Variants in NBAS observed in about 807,000 individuals in gnomAD.
NBAS encodes the protein NBAS subunit of NRZ tethering complex, also known as NAG/BC035112 fusion.
In NBAS, 219 loss-of-function variants were observed where a neutral mutation model predicts 302.5. The observed-to-expected ratio is 0.72, with a 90% CI of 0.65 to 0.81. NBAS has a LOEUF of 0.81. NBAS is among the 30% of genes least tolerant of loss of function. NBAS has a pLI of 0.00. For missense variants in NBAS, 2,932 were observed against 2,841.6 expected (o/e 1.03, Z -0.72); for synonymous variants, 1,118 against 1,021.6 (o/e 1.09, Z -1.80).
chr2:15,309,910 G>A (rs1436562032), intron 38 of NBAS, among the ~76,000 whole-genome samples: 1 of 152,110 alleles, frequency 6.6e-6, no homozygotes, highest in Non-Finnish European at 1.5e-5. Context: ...TACACAGCTT[G>A]TTTCAATAAG....
chr2:15,421,981 A>G lies in NBAS; in HGVS notation c.2577+2334T>C, dbSNP rs182788618. Among the ~76,000 whole-genome samples, 429 of 152,288 alleles carry G rather than the reference A, an allele frequency of 2.8e-3. 1 individual carries two copies. Among genetic ancestry groups the G allele is most frequent in the Middle Eastern group, 0.02 (6 of 294 alleles). On this transcript the variant is annotated intron_variant, in intron 23 of 51. Coordinates refer to ENST00000281513, the MANE Select transcript of NBAS (RefSeq NM_015909.4). ...GTGCACTGACACATCATCATCCCCC[A>G]AAGTCCACGGTTTACATTCAGATTC...
intron 26 of NBAS, 133 bp downstream of exon 26, chr2:15,402,035 A>T (rs6733647): frequency 3.2e-6 from 3 of 932,992 alleles, no homozygotes; most frequent in Non-Finnish European, 3.4e-6. Context: ...GATTGCAGAT[A>T]ATTTTATTTT....
downstream of NBAS, among the ~76,000 whole-genome samples, chr2:15,163,989 G>T (rs6732910): frequency 0.048 from 7,248 of 152,120 alleles, 481 homozygotes; most frequent in East Asian, 0.24. Flanking sequence ...GAGAGATGGG[G>T]TTTCGCCATG....
the NBAS span, among the ~76,000 whole-genome samples, chr2:14,921,147 A>G: frequency 1.3e-5 from 2 of 152,108 alleles, no homozygotes; most frequent in Non-Finnish European, 2.9e-5. Context: ...GCCTAATTTC[A>G]GTATTGCTGT....
intron 6 of NBAS, among the ~76,000 whole-genome samples, chr2:15,545,475 AG>A: frequency 6.6e-6 from 1 of 152,222 alleles, no homozygotes; most frequent in Admixed American, 6.5e-5. Context: ...AAACCGATAC[AG>A]GGGACGTCAG....
Position 15,179,096 on chromosome 2 carries a change from C to A in NBAS, c.6732G>T (p.Leu2244=). 2 of 1,614,174 alleles carry A rather than the reference C, an allele frequency of 1.2e-6. No individual in the cohort carries two copies. Among genetic ancestry groups the A allele is most frequent in the Middle Eastern group, 3.3e-4 (2 of 6,058 alleles). ...GCAGGAGGGACTGGTTAAGCAGCAG[C>A]AGACACAGCTCCTTCACACCCTGAA... The part of the protein sequence containing the change: ...LPAEGVKELC[L]LLLNQSLLLP... The change falls in exon 51 of 52, where the codon CTG becomes CTT. Residue 2244 remains leucine (L), a synonymous_variant. Coordinates refer to ENST00000281513, the MANE Select transcript of NBAS (RefSeq NM_015909.4).
At chr2:15,316,844 C>T (rs1671537518) in intron 38 of NBAS, among the ~76,000 whole-genome samples, 1 of 152,214 alleles carries the variant, frequency 6.6e-6, no homozygotes. Flanking sequence ...ACTTCAACAT[C>T]CCTGTCTGAC....
chr2:14,990,716 C>T, the NBAS span, among the ~76,000 whole-genome samples: 1 of 152,160 alleles, frequency 6.6e-6, no homozygotes, highest in African/African-American at 2.4e-5. Flanking sequence ...CTTCCTGCCT[C>T]AGCCTCCAGA....
At position 15,489,028 on chromosome 2, in the gene NBAS, T is replaced by C; in HGVS notation, c.955-6A>G. 3.7e-6 allele frequency: 6 copies of C among 1,612,976 alleles called. No individual in the cohort carries two copies. Among genetic ancestry groups the C allele is most frequent in the Non-Finnish European group, 5.1e-6 (6 of 1,179,284 alleles). On this transcript the variant is annotated splice_polypyrimidine_tract_variant and splice_region_variant and intron_variant, in intron 11 of 51. Transcript: ENST00000281513. ...CTCATCTTAAAAATTCCATCCTAAA[T>C]AAGAATCATAAGGTCAGGGCAAAGG...
chr2:15,488,094 G>A (rs1034444101), intron 12 of NBAS, among the ~76,000 whole-genome samples: 1 of 152,078 alleles, frequency 6.6e-6, no homozygotes, highest in African/African-American at 2.4e-5. Context: ...AGGTCATTCA[G>A]GAAATAGGCT....
Position 15,377,504 on chromosome 2 carries a change from T to C in NBAS, c.3590+2098A>G, listed in dbSNP as rs979769672. On this transcript the variant is annotated intron_variant, in intron 30 of 51. Coordinates refer to ENST00000281513, the MANE Select transcript of NBAS (RefSeq NM_015909.4). ...CTCAGTTAATATTACAATAGCCCTA[T>C]GATATAAGCCTACTATTATCCACAT... Among the ~76,000 whole-genome samples, 8 of 152,320 alleles carry C rather than the reference T, an allele frequency of 5.3e-5. No homozygotes were observed. The East Asian group carries it at 5.8e-4, about 11-fold the overall frequency.
In NBAS at chr2:15,276,865, T is replaced by C; in HGVS notation, c.5375A>G (p.Lys1792Arg). The C allele has an allele frequency of 6.2e-7, 1 of 1,614,040 alleles. No individual in the cohort carries two copies. The highest frequency in any genetic ancestry group is 1.1e-5 in the South Asian group (1 of 91,080). ...ETHIRLLKKF[K>R]VVASGLNYKK... ...AACCATCCTACCTGATGCAACAACC[T>C]TAAACTTCTTCAGCAGTCGAATGTG... is the stretch of plus-strand genomic sequence containing the variant. The change falls in exon 43 of 52, where the codon AAG becomes AGG. Residue 1792 changes from lysine to arginine, a missense_variant. Coordinates refer to ENST00000281513, the MANE Select transcript of NBAS (RefSeq NM_015909.4).
chr2:14,840,642 GA>G, the NBAS span, among the ~76,000 whole-genome samples: 9 of 150,250 alleles, frequency 6.0e-5, no homozygotes, highest in South Asian at 8.4e-4. Context: ...AGTGCCAAAA[GA>G]AAAAAAAATT....
intron 32 of NBAS, among the ~76,000 whole-genome samples, chr2:15,365,560 G>A (rs1674157124): frequency 6.6e-6 from 1 of 152,144 alleles, no homozygotes; most frequent in Non-Finnish European, 1.5e-5. Context: ...CACATGAACT[G>A]TTCTCCCCAT....
chr2:15,555,329 A>G (rs189246826), intron 3 of NBAS, among the ~76,000 whole-genome samples: 2 of 152,230 alleles, frequency 1.3e-5, no homozygotes, highest in Admixed American at 6.5e-5. Context: ...ACACAAAATA[A>G]TATCAAAAGA....
At chr2:15,098,756 A>G in the NBAS span, among the ~76,000 whole-genome samples, 4 of 143,954 alleles carry the variant, frequency 2.8e-5, no homozygotes, top group African/African-American at 5.1e-5. Flanking sequence ...ACTATGACCT[A>G]CAGGGCAAAT....
the NBAS span, among the ~76,000 whole-genome samples, chr2:14,783,943 T>G: frequency 6.6e-6 from 1 of 151,816 alleles, no homozygotes; most frequent in Non-Finnish European, 1.5e-5. Context: ...ACCAACAGTG[T>G]AAAAGTGTTC....
At chr2:14,964,570 C>T in the NBAS span, among the ~76,000 whole-genome samples, 1 of 151,988 alleles carries the variant, frequency 6.6e-6, no homozygotes, top group Non-Finnish European at 1.5e-5. Context: ...AACTAAAGGA[C>T]AAATAGACAA....
At chr2:14,835,033 T>C in the NBAS span, among the ~76,000 whole-genome samples, 1 of 152,092 alleles carries the variant, frequency 6.6e-6, no homozygotes, top group East Asian at 1.9e-4. Context: ...ATAAAATCAA[T>C]AGAAGTTTAT....
Sources: allele counts gnomAD v4.1 joint callset (sites outside exome capture counted in the v4.1 genomes callset), GRCh38; gene constraint gnomAD v4.1.1; transcripts MANE v1.5; gene names NCBI Gene and HGNC (gene_info 2026-07-23, HGNC 2026-07-21).